The following KIAA1328 variants were observed in gnomAD, a reference collection of about 807,000 sequenced individuals.
The protein encoded by KIAA1328 is protein hinderin.
A neutral mutation model predicts 68.1 loss-of-function variants in KIAA1328; 52 were observed. The observed-to-expected ratio is 0.76, with a 90% CI of 0.61 to 0.96. The LOEUF is 0.96. Ranked by LOEUF, KIAA1328 falls within the 40% of genes least tolerant of loss-of-function variation. KIAA1328 has a pLI of 0.00. For missense variants in KIAA1328, 641 were observed against 677.6 expected, an observed-to-expected ratio of 0.95 and a Z score of 0.60; for synonymous variants, 232 against 239.4, an observed-to-expected ratio of 0.97 and a Z score of 0.28.
At chr18:37,117,276 A>G (rs1229330875) in intron 7 of KIAA1328, among the ~76,000 whole-genome samples, 1 of 152,216 alleles carries the variant, frequency 6.6e-6, no homozygotes, top group Non-Finnish European at 1.5e-5. Flanking sequence ...GGATTAAGAA[A>G]ATGTGGCACA....
In KIAA1328 at chr18:37,116,727, C is replaced by G. The variant is rs537671500; in HGVS notation, c.1233-43473C>G. On this transcript the variant is annotated intron_variant, in intron 7 of 9. Transcript: ENST00000280020. ...ACTACCATCAGAGTGAACAGGCAAC[C>G]TACAGAATGGGAGAAAATTTTTGCA... 3.3e-5 allele frequency among the ~76,000 whole-genome samples: 5 copies of G among 152,248 alleles called. No homozygotes were observed. The East Asian group carries it at 9.7e-4, about 29-fold the overall frequency.
In KIAA1328 at chr18:36,829,421, T is replaced by C. The variant is rs1398435009; in HGVS notation, c.58+225T>C. Reference sequence around the variant, plus strand: ...AGGTGTGGGGACACGGCTCAGATGCTTCCCAGCGCTCACTACCGGTGAGCT... The same window carrying C: ...AGGTGTGGGGACACGGCTCAGATGCCTCCCAGCGCTCACTACCGGTGAGCT... On this transcript the variant is annotated intron_variant, in intron 1 of 9. Transcript: ENST00000280020. 12 of 1,326,358 alleles carry C rather than the reference T, an allele frequency of 9.0e-6. No individual in the cohort carries two copies. The South Asian group carries it at 2.0e-4, about 23-fold the overall frequency. 82.2% of individuals were successfully genotyped at this position (1,326,358 alleles called of 1,614,324 possible).
At position 37,126,738 on chromosome 18, in the gene KIAA1328, C is replaced by T. The variant is rs562431014; in HGVS notation, c.1233-33462C>T. 2.6e-5 allele frequency among the ~76,000 whole-genome samples: 4 copies of T among 152,170 alleles called. No homozygotes were observed. The East Asian group carries it at 7.7e-4, about 29-fold the overall frequency. Reference sequence around the variant, plus strand: ...AGTAAGTTGAATCCAGCATTGTATACAAATATTTTATGACCAAGTTGGTTT... The same window carrying T: ...AGTAAGTTGAATCCAGCATTGTATATAAATATTTTATGACCAAGTTGGTTT... On this transcript the variant is annotated intron_variant, in intron 7 of 9. Transcript: ENST00000280020.
chr18:36,936,496 G>T (rs1464257445), intron 5 of KIAA1328, among the ~76,000 whole-genome samples: 1 of 152,076 alleles, frequency 6.6e-6, no homozygotes, highest in African/African-American at 2.4e-5. Flanking sequence ...TCATGTATAT[G>T]TGCCACAATG....
At chr18:36,951,682 C>G (rs2051167503) in intron 5 of KIAA1328, among the ~76,000 whole-genome samples, 2 of 152,174 alleles carry the variant, frequency 1.3e-5, no homozygotes, top group East Asian at 1.9e-4. Context: ...TAAAGCTGCA[C>G]TCTCCCCAGA....
intron 7 of KIAA1328, among the ~76,000 whole-genome samples, chr18:37,149,714 T>G (rs2058985137): frequency 6.6e-6 from 1 of 152,200 alleles, no homozygotes; most frequent in Non-Finnish European, 1.5e-5. Context: ...GACTGAAACC[T>G]CATGATAGAG....
intron 6 of KIAA1328, among the ~76,000 whole-genome samples, chr18:37,005,208 T>C (rs993650362): frequency 1.1e-4 from 17 of 151,946 alleles, no homozygotes; most frequent in African/African-American, 3.9e-4. Flanking sequence ...GTAACCAAAT[T>C]ACCCCTGTTT....
At chr18:37,127,488 C>T (rs1463754931) in intron 7 of KIAA1328, among the ~76,000 whole-genome samples, 2 of 152,058 alleles carry the variant, frequency 1.3e-5, no homozygotes, top group Non-Finnish European at 2.9e-5. Flanking sequence ...GCAGGAAGAT[C>T]CCTTGAGCCC....
intron 6 of KIAA1328, among the ~76,000 whole-genome samples, chr18:37,018,225 G>C (rs2054220530): frequency 6.6e-6 from 1 of 152,106 alleles, no homozygotes; most frequent in South Asian, 2.1e-4. Context: ...ACAAACTGAA[G>C]TTTGGTGGGA....
At chr18:36,920,237 G>A (rs2049865639) in intron 5 of KIAA1328, among the ~76,000 whole-genome samples, 1 of 152,100 alleles carries the variant, frequency 6.6e-6, no homozygotes, top group Non-Finnish European at 1.5e-5. Flanking sequence ...TATGGTAGAA[G>A]GCAGGGGCCT....
chr18:36,955,899 G>A (rs2051394044), intron 5 of KIAA1328: 1 of 152,300 alleles, frequency 6.6e-6, no homozygotes, highest in Non-Finnish European at 1.5e-5. Flanking sequence ...CAAGGGTGAG[G>A]TGAAGTGGTG....
chr18:36,881,549 T>C (rs2048329287), intron 4 of KIAA1328, among the ~76,000 whole-genome samples: 1 of 152,120 alleles, frequency 6.6e-6, no homozygotes, highest in Non-Finnish European at 1.5e-5. Context: ...CCCCAATCAG[T>C]TTTAGTATGT....
chr18:37,100,162 G>A (rs184429474), intron 7 of KIAA1328, among the ~76,000 whole-genome samples: 28 of 152,218 alleles, frequency 1.8e-4, no homozygotes, highest in Admixed American at 1.0e-3. Context: ...GGGGAGTGTT[G>A]AACAGTGGGC....
chr18:37,133,331 A>C (rs2058567032), intron 7 of KIAA1328, among the ~76,000 whole-genome samples: 1 of 151,600 alleles, frequency 6.6e-6, no homozygotes, highest in Non-Finnish European at 1.5e-5. Context: ...AAAAAAAAAA[A>C]CTACCAATGG....
intron 7 of KIAA1328, among the ~76,000 whole-genome samples, chr18:37,088,313 G>C (rs1178261730): frequency 6.6e-6 from 1 of 152,118 alleles, no homozygotes; most frequent in Non-Finnish European, 1.5e-5. Flanking sequence ...TTTTAGAAGA[G>C]AATAGAGATA....
At chr18:36,864,441 A>G (rs1035493876) in intron 4 of KIAA1328, among the ~76,000 whole-genome samples, 2 of 151,756 alleles carry the variant, frequency 1.3e-5, no homozygotes, top group Admixed American at 6.6e-5. Flanking sequence ...AGCTGGGACT[A>G]CAGGCGCCTG....
chr18:37,123,397 T>C (rs780667973), intron 7 of KIAA1328, among the ~76,000 whole-genome samples: 5 of 152,094 alleles, frequency 3.3e-5, no homozygotes, highest in Non-Finnish European at 7.4e-5. Context: ...AAAGAGAAGC[T>C]TGATTTTCTG....
intron 6 of KIAA1328, among the ~76,000 whole-genome samples, chr18:36,975,144 T>G (rs2052409405): frequency 6.6e-6 from 1 of 152,086 alleles, no homozygotes; most frequent in South Asian, 2.1e-4. Context: ...CAAAGCTAAG[T>G]TATTGATCCA....
At chr18:37,152,117 A>AT (rs1491548045) in intron 7 of KIAA1328, among the ~76,000 whole-genome samples, 1 of 149,150 alleles carries the variant, frequency 6.7e-6, no homozygotes, top group Non-Finnish European at 1.5e-5. Flanking sequence ...AAAAAAAAAA[A>AT]CAGATTAGCA....
Sources: allele counts gnomAD v4.1 joint callset (sites outside exome capture counted in the v4.1 genomes callset), GRCh38; gene constraint gnomAD v4.1.1; transcripts MANE v1.5; gene names NCBI Gene and HGNC (gene_info 2026-07-23, HGNC 2026-07-21).